The following ALG12 variants were observed in gnomAD, a reference collection of about 807,000 sequenced individuals.
ALG12 encodes the protein dol-P-Man:Man(7)GlcNAc(2)-PP-Dol alpha-1,6-mannosyltransferase.
In ALG12, 36 loss-of-function variants were observed where a neutral mutation model predicts 46.0. The observed-to-expected ratio is 0.78, with a 90% CI of 0.60 to 1.03. ALG12 has a LOEUF of 1.03. Among genes scored for constraint, ALG12 ranks in the 50% least tolerant of loss-of-function variants. ALG12 has a pLI of 0.00. For synonymous variants in ALG12, 326 were observed against 291.6 expected, an observed-to-expected ratio of 1.12 and a Z score of -1.20; for missense variants, 599 against 633.5, an observed-to-expected ratio of 0.95 and a Z score of 0.58.
Position 49,910,441 on chromosome 22 carries a change from C to T in ALG12, c.462G>A (p.Leu154=). 6.2e-7 allele frequency: 1 copy of T among 1,613,418 alleles called. No homozygotes were observed. The highest frequency in any genetic ancestry group is 1.7e-5 in the Admixed American group (1 of 60,012). ...CGGCCGGCAGCTACGTACCTACAGGCAGGGCCAGCACATTGGGCAGTGTCC... is the reference window on the plus strand; with the variant it reads ...CGGCCGGCAGCTACGTACCTACAGGTAGGGCCAGCACATTGGGCAGTGTCC... ...CTRTLPNVLA[L]PVVLLALAAW... is the part of the protein sequence containing the mutation. Residue 154 remains leucine, a synonymous_variant, in exon 4 of 10, where the codon CTG becomes CTA. Coordinates refer to ENST00000330817, the MANE Select transcript of ALG12 (RefSeq NM_024105.4).
At chr22:49,899,871 G>GA (rs1390169609), downstream of ALG12, among the ~76,000 whole-genome samples, 3 of 151,918 alleles carry the variant, frequency 2.0e-5, no homozygotes, top group Non-Finnish European at 4.4e-5. Context: ...AGTGTTAGGT[G>GA]AAAAAAACGG....
the ALG12 span, among the ~76,000 whole-genome samples, chr22:49,873,922 C>T: frequency 2.4e-4 from 37 of 152,324 alleles, no homozygotes; most frequent in South Asian, 6.8e-3. Flanking sequence ...AATGGGGCGG[C>T]GCTGCCACCA....
the ALG12 span, among the ~76,000 whole-genome samples, chr22:49,895,097 T>C: frequency 2.0e-5 from 3 of 152,204 alleles, no homozygotes; most frequent in South Asian, 2.1e-4. Context: ...GCTGTACACA[T>C]TGCTTTACAG....
At chr22:49,865,819 C>G in the ALG12 span, among the ~76,000 whole-genome samples, 1 of 150,830 alleles carries the variant, frequency 6.6e-6, no homozygotes, top group Admixed American at 6.6e-5. Context: ...TCATTGTGCT[C>G]GAAGGTCAGT....
At chr22:49,882,582 G>C in the ALG12 span, among the ~76,000 whole-genome samples, 1 of 152,214 alleles carries the variant, frequency 6.6e-6, no homozygotes, top group Non-Finnish European at 1.5e-5. Flanking sequence ...CTTCGGCTCA[G>C]TTACACCCTT....
In ALG12 at chr22:49,904,122, G is replaced by A. The variant is rs1040101270; in HGVS notation, c.1239-56C>T. ...GGGCCCCCACATCGCCCTGTCCCCC[G>A]CCCCCAAGGGGCCCTCACATGGCCT... is the stretch of plus-strand genomic sequence containing the variant. On this transcript the variant is annotated intron_variant, in intron 9 of 9. Coordinates refer to ENST00000330817, the MANE Select transcript of ALG12 (RefSeq NM_024105.4). 24 of 1,613,816 alleles carry A rather than the reference G, an allele frequency of 1.5e-5. 1 individual carries two copies. The highest frequency in any genetic ancestry group is 8.9e-5 in the East Asian group (4 of 44,890).
chr22:49,884,220 A>T, the ALG12 span: 6 of 1,601,546 alleles, frequency 3.7e-6, no homozygotes, highest in Non-Finnish European at 4.3e-6. Context: ...CCTCTCCCTC[A>T]CTCCTGCTTC....
chr22:49,895,689 A>G (rs1331329741), downstream of ALG12, among the ~76,000 whole-genome samples: 1 of 151,640 alleles, frequency 6.6e-6, no homozygotes, highest in Non-Finnish European at 1.5e-5. Context: ...CTGTAAGGAG[A>G]GTTTGTATCC....
At chr22:49,862,635 C>T in the ALG12 span, among the ~76,000 whole-genome samples, 2 of 149,520 alleles carry the variant, frequency 1.3e-5, no homozygotes, top group Admixed American at 1.3e-4. Context: ...GCAGCTACTT[C>T]CTTATTCTTT....
the ALG12 span, among the ~76,000 whole-genome samples, chr22:49,865,867 T>G: frequency 1.3e-5 from 2 of 151,598 alleles, no homozygotes; most frequent in Non-Finnish European, 2.9e-5. Context: ...CATTTTCTTT[T>G]TTTTTTTTTT....
chr22:49,908,526 C>CA (rs11432710), intron 6 of ALG12, among the ~76,000 whole-genome samples: 2,205 of 54,076 alleles, frequency 0.041, 154 homozygotes, highest in African/African-American at 0.12. Flanking sequence ...GACTCTGTCT[C>CA]AAAAAAAAAA....
the ALG12 span, chr22:49,883,542 A>T: frequency 7.5e-7 from 1 of 1,334,566 alleles, no homozygotes; most frequent in Non-Finnish European, 1.0e-6. Flanking sequence ...ATTTCTAGAA[A>T]CATCCTGAAA....
chr22:49,917,012 C>T (rs1450008921), intron 1 of ALG12, among the ~76,000 whole-genome samples: 1 of 152,238 alleles, frequency 6.6e-6, no homozygotes, highest in Non-Finnish European at 1.5e-5. Flanking sequence ...CAAGGTGTGC[C>T]TTCTGCTGAT....
At chr22:49,863,653 C>T in the ALG12 span, among the ~76,000 whole-genome samples, 4 of 151,124 alleles carry the variant, frequency 2.6e-5, no homozygotes, top group Non-Finnish European at 2.9e-5. Flanking sequence ...GTGTGATGTT[C>T]TGGCTGAGTT....
Position 49,903,639 on chromosome 22 carries a change from C to T in ALG12, c.*199G>A. 1 of 731,530 alleles carries T rather than the reference C, an allele frequency of 1.4e-6. No individual in the cohort carries two copies. The highest frequency in any genetic ancestry group is 2.3e-4 in the Middle Eastern group (1 of 4,404). The allele number at this position is 731,530 out of a possible 1,614,324, so 45.3% of individuals were successfully genotyped here. On this transcript the variant is annotated 3_prime_UTR_variant, in exon 10 of 10. Coordinates refer to ENST00000330817, the MANE Select transcript of ALG12 (RefSeq NM_024105.4). ...CCGGGGTGCCAACAAGACCTGGGCC[C>T]CTCGTTCTTTGGTGCTGAGAGCCCC...
rs1431229784 is a variant in ALG12, at chr22:49,910,110, T to A, written c.470-22A>T. 5.7e-6 allele frequency: 9 copies of A among 1,584,046 alleles called. No individual in the cohort carries two copies. In the African/African-American group the frequency reaches 1.1e-4, roughly 19 times the overall value. On this transcript the variant is annotated intron_variant, in intron 4 of 9. Coordinates refer to ENST00000330817, the MANE Select transcript of ALG12 (RefSeq NM_024105.4). ...AGGACTGCAAGACAGTGCGGGAGGGTGCTCGTCAAGACACAGGGCCCACCC... is the reference window on the plus strand; with the variant it reads ...AGGACTGCAAGACAGTGCGGGAGGGAGCTCGTCAAGACACAGGGCCCACCC...
Position 49,902,423 on chromosome 22 carries a change from A to ATGCATGGTGTGTGCACTG in ALG12, c.*1414_*1415insCAGTGCACACACCATGCA, listed in dbSNP as rs1225479832. On this transcript the variant is annotated 3_prime_UTR_variant, in exon 10 of 10. Transcript: ENST00000330817. ...TGGTGTGTGCACATGTGCACTGTGT[A>ATGCATGGTGTGTGCACTG]TGCATGGTGTGTGCACGTGTGCACT... is the stretch of plus-strand genomic sequence containing the variant. The ATGCATGGTGTGTGCACTG allele has an allele frequency of 4.8e-5, 6 of 125,436 alleles. No homozygotes were observed. The highest frequency in any genetic ancestry group is 2.0e-4 in the African/African-American group (6 of 30,002). The allele number at this position is 125,436 out of a possible 1,614,324, so 7.8% of individuals were successfully genotyped here.
the ALG12 span, chr22:49,888,198 G>C: frequency 6.0e-6 from 1 of 167,172 alleles, no homozygotes; most frequent in African/African-American, 2.4e-5. Context: ...ACATCAGAGT[G>C]AAGTGTCAGT....
In ALG12 at chr22:49,906,087, CTCAT is replaced by C. The variant is rs1213711961; in HGVS notation, c.993-1585_993-1582del. Among the ~76,000 whole-genome samples, 1 of 152,148 alleles carries C rather than the reference CTCAT, an allele frequency of 6.6e-6. No individual in the cohort carries two copies. Among genetic ancestry groups the C allele is most frequent in the African/African-American group, 2.4e-5 (1 of 41,432 alleles). ...GGGGCCTTGCTCTACCCTGCACCCCCTCATTTGGACTCCCCAAGTTTGTCCTCCT... is the reference window on the plus strand; with the variant it reads ...GGGGCCTTGCTCTACCCTGCACCCCCTTGGACTCCCCAAGTTTGTCCTCCT... On this transcript the variant is annotated intron_variant, in intron 7 of 9. Coordinates refer to ENST00000330817, the MANE Select transcript of ALG12 (RefSeq NM_024105.4). The surrounding 1 kb of genome is among the most constrained non-coding windows in gnomAD (Gnocchi z 4.4).
Sources: gnomAD v4.1 joint callset for allele counts (sites outside exome capture counted in the v4.1 genomes callset) on GRCh38, gnomAD v4.1.1 for gene constraint, Gnocchi (gnomAD v3.1) non-coding constraint, MANE v1.5 for transcripts, NCBI Gene and HGNC (gene_info 2026-07-23, HGNC 2026-07-21) for gene names.